HMCN1: variants seen among roughly 807,000 people sequenced by gnomAD.
HMCN1 encodes the protein hemicentin 1, also known as hemicentin-1.
Under a neutral mutation model 625.9 loss-of-function variants are expected in HMCN1, and 321 were observed. That is an observed-to-expected ratio of 0.51 (90% CI 0.47 to 0.56). HMCN1 has a LOEUF of 0.56. Ranked by LOEUF, HMCN1 falls within the 20% of genes least tolerant of loss-of-function variation. The pLI is 0.00. For missense variants in HMCN1, 6,588 were observed against 6,887.3 expected, an observed-to-expected ratio of 0.96 and a Z score of 1.54; for synonymous variants, 2,425 against 2,417.6, an observed-to-expected ratio of 1.00 and a Z score of -0.09.
chr1:186,064,328 G>T (rs1226371025), intron 48 of HMCN1, among the ~76,000 whole-genome samples: 1 of 151,166 alleles, frequency 6.6e-6, no homozygotes, highest in African/African-American at 2.4e-5. Context: ...AAAAATACAG[G>T]ATCTCTTCCT....
rs371973423 is a variant in HMCN1, at chr1:186,027,559, G to A, written c.5749+4406G>A. Among the ~76,000 whole-genome samples the A allele has an allele frequency of 5.9e-5, 9 of 152,294 alleles. No homozygotes were observed. In the South Asian group the frequency reaches 1.5e-3, roughly 25 times the overall value. ...CGTACATTCCTCATCTGTAAAATGGGAAGGATAGAGAGAGTATACCACAGT... is the reference window on the plus strand; with the variant it reads ...CGTACATTCCTCATCTGTAAAATGGAAAGGATAGAGAGAGTATACCACAGT... On this transcript the variant is annotated intron_variant, in intron 36 of 106. Transcript: ENST00000271588.
intron 85 of HMCN1, 91 bp downstream of exon 85, chr1:186,130,788 A>G: frequency 9.3e-7 from 1 of 1,079,678 alleles, no homozygotes; most frequent in Non-Finnish European, 1.4e-6. Context: ...TTTCTCTTAC[A>G]TTCCTATTTA....
At chr1:185,899,969 CAA>C (rs1023016539) in intron 4 of HMCN1, among the ~76,000 whole-genome samples, 3 of 152,036 alleles carry the variant, frequency 2.0e-5, no homozygotes, top group African/African-American at 7.2e-5. Flanking sequence ...TAAATAGAAA[CAA>C]TATTTTTTTC....
At chr1:186,041,543 C>G (rs1656207081) in intron 40 of HMCN1, among the ~76,000 whole-genome samples, 1 of 152,126 alleles carries the variant, frequency 6.6e-6, no homozygotes, top group African/African-American at 2.4e-5. Flanking sequence ...GTGATCAATA[C>G]TATGTGAATT....
intron 1 of HMCN1, among the ~76,000 whole-genome samples, chr1:185,810,654 TTGTGTGTGTGTG>T (rs34235221): frequency 5.4e-5 from 8 of 147,570 alleles, no homozygotes; most frequent in Non-Finnish European, 9.0e-5. Flanking sequence ...AATATCAACT[TTGTGTGTGTGTG>T]TGTGTGTGTG....
At chr1:185,831,388 T>C (rs944179814) in intron 1 of HMCN1, among the ~76,000 whole-genome samples, 1 of 152,182 alleles carries the variant, frequency 6.6e-6, no homozygotes, top group Admixed American at 6.5e-5. Context: ...AATAGATATA[T>C]ATTTTCATAA....
chr1:185,792,207 T>C (rs1278433430), intron 1 of HMCN1, among the ~76,000 whole-genome samples: 2 of 152,238 alleles, frequency 1.3e-5, no homozygotes, highest in African/African-American at 4.8e-5. Context: ...ATCACCATGC[T>C]AATAACAACA....
intron 105 of HMCN1, among the ~76,000 whole-genome samples, chr1:186,186,992 T>TACACACA (rs1653353745): frequency 3.1e-5 from 3 of 95,428 alleles, no homozygotes; most frequent in African/African-American, 1.3e-4. Context: ...TCTGTCTCTG[T>TACACACA]CTCACACACA....
Position 185,803,653 on chromosome 1 carries a change from A to G in HMCN1, c.269-42373A>G, listed in dbSNP as rs116046547. Among the ~76,000 whole-genome samples, 804 of 152,250 alleles carry G rather than the reference A, an allele frequency of 5.3e-3. 11 individuals are homozygous for G. Among genetic ancestry groups the G allele is most frequent in the African/African-American group, 0.018 (754 of 41,562 alleles). On this transcript the variant is annotated intron_variant, in intron 1 of 106. Coordinates refer to ENST00000271588, the MANE Select transcript of HMCN1 (RefSeq NM_031935.3). Reference sequence around the variant, plus strand: ...GTTAGTACCTGTTTAGGAATAGGGAAGTGAGATTAGGTAGAATTCTACTTG... The same window carrying G: ...GTTAGTACCTGTTTAGGAATAGGGAGGTGAGATTAGGTAGAATTCTACTTG...
chr1:185,932,682 A>G (rs1667610891), intron 10 of HMCN1, among the ~76,000 whole-genome samples: 1 of 152,008 alleles, frequency 6.6e-6, no homozygotes, highest in Admixed American at 6.6e-5. Flanking sequence ...GAACACGTGG[A>G]CATAGGGAGG....
At chr1:186,134,618 G>C (rs1467937265) in intron 86 of HMCN1, among the ~76,000 whole-genome samples, 3 of 152,076 alleles carry the variant, frequency 2.0e-5, no homozygotes, top group Non-Finnish European at 2.9e-5. Flanking sequence ...TTTTTTAAAA[G>C]ACAACATGTC....
intron 2 of HMCN1, among the ~76,000 whole-genome samples, chr1:185,858,332 C>T (rs1445807946): frequency 6.6e-6 from 1 of 152,060 alleles, no homozygotes; most frequent in East Asian, 1.9e-4. Flanking sequence ...GTTCTTCCAT[C>T]ATAAATGTTT....
At chr1:185,789,534 G>A (rs57257586) in intron 1 of HMCN1, among the ~76,000 whole-genome samples, 13,734 of 152,168 alleles carry the variant, frequency 0.09, 1,998 homozygotes, top group African/African-American at 0.31. Flanking sequence ...CAGAAATATC[G>A]TTGTAAATGT....
At chr1:185,881,953 C>T (rs1332106881) in intron 4 of HMCN1, among the ~76,000 whole-genome samples, 1 of 152,088 alleles carries the variant, frequency 6.6e-6, no homozygotes, top group African/African-American at 2.4e-5. Flanking sequence ...CCCTGTACTT[C>T]CTCTTTTAGA....
At chr1:186,063,066 G>GTGTATA (rs1491400415) in intron 48 of HMCN1, among the ~76,000 whole-genome samples, 9 of 29,916 alleles carry the variant, frequency 3.0e-4, no homozygotes, top group African/African-American at 3.6e-4. Context: ...GTGTGTGTGT[G>GTGTATA]CATATATATA....
intron 73 of HMCN1, 123 bp downstream of exon 73, chr1:186,114,246 A>T (rs1661022775): frequency 4.0e-6 from 4 of 1,005,024 alleles, no homozygotes; most frequent in Admixed American, 4.0e-5. Flanking sequence ...TAATACGAGA[A>T]TCAAAATTTA....
chr1:185,934,519 C>G (rs887345174), intron 11 of HMCN1, among the ~76,000 whole-genome samples: 1 of 152,298 alleles, frequency 6.6e-6, no homozygotes, highest in African/African-American at 2.4e-5. Context: ...AAATGACGAT[C>G]AGAAACCACT....
intron 97 of HMCN1, among the ~76,000 whole-genome samples, chr1:186,160,881 A>G (rs1169159110): frequency 4.6e-5 from 7 of 150,956 alleles, no homozygotes; most frequent in Non-Finnish European, 7.4e-5. Context: ...GTGGTGCTGA[A>G]AAAAATGTAT....
chr1:186,025,133 C>T (rs1654979446), intron 36 of HMCN1, among the ~76,000 whole-genome samples: 1 of 152,150 alleles, frequency 6.6e-6, no homozygotes, highest in Admixed American at 6.5e-5. Flanking sequence ...AGATCCCTTG[C>T]ATGCACAGTT....
Sources: gnomAD v4.1 joint callset for allele counts (sites outside exome capture counted in the v4.1 genomes callset) on GRCh38, gnomAD v4.1.1 for gene constraint, MANE v1.5 for transcripts, NCBI Gene and HGNC (gene_info 2026-07-23, HGNC 2026-07-21) for gene names.